CDH18: variants seen among roughly 807,000 people sequenced by gnomAD.
CDH18 encodes the protein cadherin-18.
Under a neutral mutation model 67.9 loss-of-function variants are expected in CDH18, and 31 were observed. The observed-to-expected ratio is 0.46, with a 90% CI of 0.34 to 0.62. The LOEUF is 0.62. CDH18 is among the 20% of genes least tolerant of loss of function. CDH18 has a pLI of 0.01. For missense variants in CDH18, 890 were observed against 975.5 expected, an observed-to-expected ratio of 0.91 and a Z score of 1.17; for synonymous variants, 362 against 347.2, an observed-to-expected ratio of 1.04 and a Z score of -0.48.
At chr5:19,540,644 C>T (rs1418169797) in intron 9 of CDH18, among the ~76,000 whole-genome samples, 1 of 152,142 alleles carries the variant, frequency 6.6e-6, no homozygotes, top group Non-Finnish European at 1.5e-5. Context: ...AGGCTCAACA[C>T]CATGTGGAAG....
intron 1 of CDH18, among the ~76,000 whole-genome samples, chr5:20,515,392 T>C (rs1755303400): frequency 6.6e-6 from 1 of 151,588 alleles, no homozygotes; most frequent in Non-Finnish European, 1.5e-5. Flanking sequence ...TCAAGTAACA[T>C]ATCATTCTTG....
intron 4 of CDH18, among the ~76,000 whole-genome samples, chr5:19,745,680 C>T (rs965948792): frequency 5.9e-5 from 9 of 152,132 alleles, no homozygotes; most frequent in Non-Finnish European, 4.4e-5. Context: ...GTATTCTGGG[C>T]CTCTCTTAGG....
intron 4 of CDH18, among the ~76,000 whole-genome samples, chr5:19,730,294 G>A (rs2150629265): frequency 6.6e-6 from 1 of 152,256 alleles, no homozygotes; most frequent in South Asian, 2.1e-4. Context: ...TTTTCTGCTA[G>A]AACTTTGATT....
chr5:20,462,554 C>T (rs1035799787), intron 1 of CDH18, among the ~76,000 whole-genome samples: 3 of 152,146 alleles, frequency 2.0e-5, no homozygotes, highest in African/African-American at 7.2e-5. Flanking sequence ...ACCCCAAATA[C>T]CCTGACTTGA....
intron 1 of CDH18, among the ~76,000 whole-genome samples, chr5:20,428,644 C>T (rs980054420): frequency 2.6e-5 from 4 of 152,060 alleles, no homozygotes; most frequent in Admixed American, 2.0e-4. Flanking sequence ...TTTTAACTGG[C>T]GTGAGATGGT....
intron 2 of CDH18, among the ~76,000 whole-genome samples, chr5:20,096,370 A>G (rs1318681279): frequency 2.0e-5 from 3 of 152,186 alleles, no homozygotes; most frequent in African/African-American, 7.2e-5. Flanking sequence ...TTCTTCAGAA[A>G]AAAATGTACC....
At chr5:20,341,357 T>A (rs1740244324) in intron 1 of CDH18, among the ~76,000 whole-genome samples, 1 of 152,040 alleles carries the variant, frequency 6.6e-6, no homozygotes, top group South Asian at 2.1e-4. Flanking sequence ...TTTTCTCCCA[T>A]ACAGGGTGCT....
At chr5:19,727,762 A>G (rs1489290737) in intron 4 of CDH18, among the ~76,000 whole-genome samples, 1 of 152,242 alleles carries the variant, frequency 6.6e-6, no homozygotes, top group Non-Finnish European at 1.5e-5. Flanking sequence ...GTTTGCAACC[A>G]GATACATCAT....
chr5:20,157,817 T>G (rs1751656097), intron 2 of CDH18, among the ~76,000 whole-genome samples: 1 of 152,010 alleles, frequency 6.6e-6, no homozygotes, highest in Non-Finnish European at 1.5e-5. Flanking sequence ...AATTTTTGTA[T>G]TTTTAGTAGA....
intron 1 of CDH18, among the ~76,000 whole-genome samples, chr5:20,424,526 C>T (rs1748130657): frequency 6.7e-6 from 1 of 150,084 alleles, no homozygotes; most frequent in Non-Finnish European, 1.5e-5. Flanking sequence ...CCAAGGCAGG[C>T]AGATCATTTA....
At chr5:19,601,421 T>C (rs978511788) in intron 6 of CDH18, among the ~76,000 whole-genome samples, 1 of 152,162 alleles carries the variant, frequency 6.6e-6, no homozygotes, top group African/African-American at 2.4e-5. Context: ...ATGAAAATTC[T>C]GAATAGACAT....
At chr5:20,563,235 G>T (rs2126651825) in intron 1 of CDH18, among the ~76,000 whole-genome samples, 1 of 152,108 alleles carries the variant, frequency 6.6e-6, no homozygotes, top group African/African-American at 2.4e-5. Context: ...AAGTATATTG[G>T]TGTCAACGGA....
At chr5:20,269,071 G>A (rs186058273) in intron 1 of CDH18, among the ~76,000 whole-genome samples, 2 of 152,158 alleles carry the variant, frequency 1.3e-5, no homozygotes, top group Admixed American at 1.3e-4. Flanking sequence ...ATGGGCAAAG[G>A]ATAAGAATAG....
At chr5:20,133,081 T>C (rs1215128685) in intron 2 of CDH18, among the ~76,000 whole-genome samples, 1 of 152,226 alleles carries the variant, frequency 6.6e-6, no homozygotes, top group African/African-American at 2.4e-5. Flanking sequence ...AGAACTTCTT[T>C]TAACATTTCC....
chr5:20,496,236 C>G (rs1753897581), intron 1 of CDH18, among the ~76,000 whole-genome samples: 1 of 151,992 alleles, frequency 6.6e-6, no homozygotes, highest in Non-Finnish European at 1.5e-5. Flanking sequence ...GTAAAATAAA[C>G]AAGTTACTAG....
intron 2 of CDH18, among the ~76,000 whole-genome samples, chr5:20,242,636 A>ATATATATATG (rs777397342): frequency 0.25 from 11,356 of 45,474 alleles, 2,479 homozygotes; most frequent in East Asian, 0.35. Flanking sequence ...ATATATATGT[A>ATATATATATG]TATATATATA....
chr5:19,715,769 T>C lies in CDH18; in HGVS notation c.643+5578A>G, dbSNP rs1765266531. ...CTTCAGATAAGACTATTTCAAATTC[T>C]CATAATCATTCAAAATGTAGTAATT... On this transcript the variant is annotated intron_variant, in intron 5 of 12. Transcript: ENST00000382275. 3.9e-5 allele frequency among the ~76,000 whole-genome samples: 6 copies of C among 152,004 alleles called. No individual in the cohort carries two copies. In the South Asian group the frequency reaches 1.2e-3, roughly 32 times the overall value.
intron 2 of CDH18, among the ~76,000 whole-genome samples, chr5:20,048,230 T>C (rs1184378518): frequency 6.6e-6 from 1 of 151,654 alleles, no homozygotes; most frequent in Non-Finnish European, 1.5e-5. Flanking sequence ...TTCAGTACAT[T>C]AGGTGCTGAA....
intron 2 of CDH18, among the ~76,000 whole-genome samples, chr5:20,183,770 C>A (rs1414426722): frequency 6.6e-6 from 1 of 152,010 alleles, no homozygotes; most frequent in African/African-American, 2.4e-5. Context: ...ACTCTTGTAC[C>A]AAGCAGACTG....
Sources: allele counts gnomAD v4.1 joint callset (sites outside exome capture counted in the v4.1 genomes callset), GRCh38; gene constraint gnomAD v4.1.1; transcripts MANE v1.5; gene names NCBI Gene and HGNC (gene_info 2026-07-23, HGNC 2026-07-21).